Variants in OR1J2 observed in about 807,000 individuals in gnomAD.
OR1J2 encodes olfactory receptor family 1 subfamily J member 2, also known as olfactory receptor 1J2.
For missense variants in OR1J2, 304 were observed against 246.1 expected (o/e 1.24, Z -1.57); for synonymous variants, 142 against 99.7 (o/e 1.42, Z -2.52).
the OR1J2 span, chr9:122,527,010 C>A: frequency 6.2e-7 from 1 of 1,614,178 alleles, no homozygotes. Flanking sequence ...TTGCGTGAGG[C>A]AACCCGTATA....
the OR1J2 span, chr9:122,527,095 CA>C: frequency 6.2e-7 from 1 of 1,614,184 alleles, no homozygotes; most frequent in South Asian, 1.1e-5. Context: ...CCCATGTCAA[CA>C]AAAGACAGGT....
At chr9:122,472,740 A>G in the OR1J2 span, among the ~76,000 whole-genome samples, 2 of 152,196 alleles carry the variant, frequency 1.3e-5, no homozygotes, top group Non-Finnish European at 2.9e-5. Flanking sequence ...CAATCAGGAG[A>G]TTTTGTCTAT....
chr9:122,456,230 C>T, the OR1J2 span, among the ~76,000 whole-genome samples: 1 of 152,096 alleles, frequency 6.6e-6, no homozygotes, highest in African/African-American at 2.4e-5. Context: ...TAAGCTCTTG[C>T]ATATAACAAA....
At chr9:122,511,880 T>C (rs992419174), downstream of OR1J2, 16 of 625,822 alleles carry the variant, frequency 2.6e-5, no homozygotes, top group Non-Finnish European at 4.0e-5. Flanking sequence ...AATTGGTAAA[T>C]ATTTGTTGGC....
At chr9:122,501,369 T>C in the OR1J2 span, among the ~76,000 whole-genome samples, 1 of 152,152 alleles carries the variant, frequency 6.6e-6, no homozygotes, top group African/African-American at 2.4e-5. Context: ...TGCTGATTGC[T>C]CTTCTCCCAA....
At chr9:122,557,451 C>T in the OR1J2 span, among the ~76,000 whole-genome samples, 1 of 151,890 alleles carries the variant, frequency 6.6e-6, no homozygotes, top group Non-Finnish European at 1.5e-5. Context: ...GCTTTTTCTG[C>T]ATCTATTTAT....
At chr9:122,569,785 C>T in the OR1J2 span, among the ~76,000 whole-genome samples, 494 of 152,146 alleles carry the variant, frequency 3.2e-3, 2 homozygotes, top group African/African-American at 0.011. Flanking sequence ...CCCATTAACT[C>T]GTCATTTAGC....
downstream of OR1J2, among the ~76,000 whole-genome samples, chr9:122,513,052 A>C (rs756880233): frequency 5.9e-5 from 9 of 152,206 alleles, no homozygotes; most frequent in Non-Finnish European, 1.0e-4. Flanking sequence ...ATATTGAACA[A>C]TTTTATGTTA....
chr9:122,535,169 G>A, the OR1J2 span, among the ~76,000 whole-genome samples: 1 of 151,986 alleles, frequency 6.6e-6, no homozygotes, highest in African/African-American at 2.4e-5. Flanking sequence ...AGCAGGAAAG[G>A]GGTTGGGGCA....
At chr9:122,526,820 C>T in the OR1J2 span, 7 of 1,613,934 alleles carry the variant, frequency 4.3e-6, no homozygotes, top group African/African-American at 2.7e-5. Context: ...CCATGAGGAA[C>T]GTGTGAGTCA....
chr9:122,486,586 T>A, the OR1J2 span, among the ~76,000 whole-genome samples: 1 of 152,216 alleles, frequency 6.6e-6, no homozygotes, highest in African/African-American at 2.4e-5. Context: ...TAGCAATCAT[T>A]CATTAATCAC....
the OR1J2 span, among the ~76,000 whole-genome samples, chr9:122,538,218 A>T: frequency 2.0e-4 from 31 of 151,482 alleles, no homozygotes; most frequent in Non-Finnish European, 4.0e-4. Flanking sequence ...TTTAGTTTGA[A>T]ATAATTCAAC....
upstream of OR1J2, among the ~76,000 whole-genome samples, chr9:122,506,026 GA>G (rs1588187009): frequency 6.6e-6 from 1 of 152,288 alleles, no homozygotes; most frequent in East Asian, 1.9e-4. Context: ...CCGGAGAGAA[GA>G]AACACAAGTC....
the OR1J2 span, among the ~76,000 whole-genome samples, chr9:122,490,306 C>T: frequency 6.6e-6 from 1 of 152,136 alleles, no homozygotes; most frequent in African/African-American, 2.4e-5. Flanking sequence ...TGCATCTCCC[C>T]ATCCAATGTG....
At chr9:122,574,381 G>T in the OR1J2 span, among the ~76,000 whole-genome samples, 2 of 152,042 alleles carry the variant, frequency 1.3e-5, no homozygotes, top group African/African-American at 4.8e-5. Flanking sequence ...TCATGGTTTT[G>T]TGGTAACCCT....
At chr9:122,562,014 T>C in the OR1J2 span, among the ~76,000 whole-genome samples, 1 of 152,068 alleles carries the variant, frequency 6.6e-6, no homozygotes, top group East Asian at 1.9e-4. Context: ...GAGATGAGAG[T>C]TCTGTCCTTG....
the OR1J2 span, chr9:122,578,585 C>CAT: frequency 6.6e-6 from 1 of 151,814 alleles, no homozygotes; most frequent in African/African-American, 2.4e-5. Context: ...ATAAAGAAAT[C>CAT]GTGATATATA....
At chr9:122,460,942 T>C in the OR1J2 span, among the ~76,000 whole-genome samples, 1 of 152,208 alleles carries the variant, frequency 6.6e-6, no homozygotes, top group Admixed American at 6.5e-5. Context: ...ACAGGGCTAC[T>C]GATTTATGTA....
chr9:122,578,863 C>T, the OR1J2 span, among the ~76,000 whole-genome samples: 8 of 152,042 alleles, frequency 5.3e-5, no homozygotes, highest in East Asian at 7.7e-4. Context: ...GTACACTGCT[C>T]GGGTGCACCA....
Sources: allele counts gnomAD v4.1 joint callset (sites outside exome capture counted in the v4.1 genomes callset), GRCh38; gene constraint gnomAD v4.1.1; transcripts MANE v1.5; gene names NCBI Gene and HGNC (gene_info 2026-07-23, HGNC 2026-07-21).